Variants in CNBD1 observed in about 807,000 individuals in gnomAD.
CNBD1 encodes cyclic nucleotide-binding domain-containing protein 1.
Under a neutral mutation model 54.4 loss-of-function variants are expected in CNBD1, and 71 were observed. The ratio of observed to expected loss-of-function variants is 1.30; its 90% CI spans 1.08 to 1.59. CNBD1 has a LOEUF of 1.59. Among genes scored for constraint, CNBD1 ranks in the 40% most tolerant of loss-of-function variants. The pLI, the probability that CNBD1 is intolerant of heterozygous loss-of-function variation, is 0.00. For synonymous variants in CNBD1, 182 were observed against 170.7 expected (o/e 1.07, Z -0.51); for missense variants, 659 against 518.0 (o/e 1.27, Z -2.64).
chr8:87,092,385 GTATA>G (rs1269273670), intron 4 of CNBD1, among the ~76,000 whole-genome samples: 8 of 149,462 alleles, frequency 5.4e-5, no homozygotes, highest in Non-Finnish European at 1.2e-4. Context: ...GTGTGTGTGT[GTATA>G]TATATGTGTG....
chr8:87,163,801 T>G lies in CNBD1; in HGVS notation c.432-42192T>G, dbSNP rs1215967362. ...TTATTTGGATGTCTTTAATTTCTTTTTCTTGTATAATTGCTCTCATTAAAA... is the reference window on the plus strand; with the variant it reads ...TTATTTGGATGTCTTTAATTTCTTTGTCTTGTATAATTGCTCTCATTAAAA... On this transcript the variant is annotated intron_variant, in intron 4 of 10. Transcript: ENST00000518476. The surrounding 1 kb of genome is among the most constrained non-coding windows in gnomAD (Gnocchi z 4.5). Among the ~76,000 whole-genome samples, 1 of 151,878 alleles carries G rather than the reference T, an allele frequency of 6.6e-6. No individual in the cohort carries two copies. Among genetic ancestry groups the G allele is most frequent in the Non-Finnish European group, 1.5e-5 (1 of 67,890 alleles).
chr8:87,160,845 G>T (rs1234685091), intron 4 of CNBD1, among the ~76,000 whole-genome samples: 1 of 152,052 alleles, frequency 6.6e-6, no homozygotes, highest in Non-Finnish European at 1.5e-5. Flanking sequence ...TATTATCGTG[G>T]AGAACACTCT....
intron 3 of CNBD1, among the ~76,000 whole-genome samples, chr8:86,919,288 G>T (rs77885674): frequency 0.01 from 1,542 of 152,216 alleles, 27 homozygotes; most frequent in African/African-American, 0.034. Flanking sequence ...AATTAAATAT[G>T]TAACAGTTTA....
chr8:87,005,684 G>T (rs1809083550), intron 4 of CNBD1, among the ~76,000 whole-genome samples: 2 of 151,964 alleles, frequency 1.3e-5, no homozygotes, highest in African/African-American at 4.8e-5. Flanking sequence ...AAAGATTATT[G>T]CAACAAAGGA....
intron 4 of CNBD1, among the ~76,000 whole-genome samples, chr8:87,041,778 G>A (rs998158436): frequency 7.9e-5 from 12 of 152,072 alleles, no homozygotes; most frequent in African/African-American, 1.2e-4. Context: ...CAGCCCGAGC[G>A]ACAGAGCAAG....
chr8:86,942,686 G>A (rs555714088), intron 4 of CNBD1, among the ~76,000 whole-genome samples: 5 of 152,134 alleles, frequency 3.3e-5, no homozygotes, highest in Non-Finnish European at 5.9e-5. Context: ...ACCTAATCAG[G>A]GGCCTATATA....
intron 5 of CNBD1, among the ~76,000 whole-genome samples, chr8:87,232,132 A>G (rs565117219): frequency 6.6e-6 from 1 of 152,284 alleles, no homozygotes; most frequent in African/African-American, 2.4e-5. Flanking sequence ...GCTGAGTAGT[A>G]TTCCATTGCA....
At chr8:86,918,100 A>G (rs1272695166) in intron 3 of CNBD1, among the ~76,000 whole-genome samples, 1 of 152,210 alleles carries the variant, frequency 6.6e-6, no homozygotes, top group Non-Finnish European at 1.5e-5. Flanking sequence ...AAAGGGGAAT[A>G]GAGTAAAATG....
At chr8:87,403,237 G>A (rs1323424352) in intron 2 of CNBD1, among the ~76,000 whole-genome samples, 1 of 152,028 alleles carries the variant, frequency 6.6e-6, no homozygotes, top group African/African-American at 2.4e-5. Flanking sequence ...TTCTGCTGGT[G>A]AGCAAGAGGT....
chr8:87,415,597 T>C (rs1453583393), intron 2 of CNBD1, among the ~76,000 whole-genome samples: 1 of 152,056 alleles, frequency 6.6e-6, no homozygotes, highest in Non-Finnish European at 1.5e-5. Flanking sequence ...TTGCAATTCC[T>C]GAAACTTGTC....
At chr8:87,367,123 A>T (rs554130554) in intron 10 of CNBD1, among the ~76,000 whole-genome samples, 2 of 152,132 alleles carry the variant, frequency 1.3e-5, no homozygotes, top group East Asian at 1.9e-4. Flanking sequence ...ACATGAGATT[A>T]TATGTGGCCT....
intron 6 of CNBD1, among the ~76,000 whole-genome samples, chr8:87,279,707 C>G (rs899510671): frequency 6.6e-6 from 1 of 150,680 alleles, no homozygotes; most frequent in Admixed American, 6.7e-5. Flanking sequence ...TGTTTTATAT[C>G]GAGATTATAT....
chr8:87,314,386 C>A (rs1809337292), intron 8 of CNBD1, among the ~76,000 whole-genome samples: 2 of 151,648 alleles, frequency 1.3e-5, no homozygotes, highest in African/African-American at 2.4e-5. Context: ...ATCTTTATGG[C>A]AGCTAAAAAG....
chr8:87,215,957 A>G (rs1020018978), intron 5 of CNBD1, among the ~76,000 whole-genome samples: 17 of 152,126 alleles, frequency 1.1e-4, no homozygotes, highest in African/African-American at 4.1e-4. Flanking sequence ...TTTATTCTGA[A>G]CATTTTGCAT....
intron 6 of CNBD1, among the ~76,000 whole-genome samples, chr8:87,282,624 C>T (rs934142686): frequency 1.2e-4 from 18 of 151,532 alleles, no homozygotes; most frequent in East Asian, 5.8e-4. Context: ...GTGTGTAAGG[C>T]GTATTGGAAG....
intron 2 of CNBD1, among the ~76,000 whole-genome samples, chr8:87,416,839 A>T (rs1306439792): frequency 6.6e-6 from 1 of 152,058 alleles, no homozygotes; most frequent in African/African-American, 2.4e-5. Context: ...TAAGAAAACT[A>T]CAGATCAACA....
intron 10 of CNBD1, among the ~76,000 whole-genome samples, chr8:87,379,425 T>C (rs1212792175): frequency 6.6e-6 from 1 of 151,820 alleles, no homozygotes; most frequent in Non-Finnish European, 1.5e-5. Flanking sequence ...CAACAAAATA[T>C]ACATTTTTTT....
intron 2 of CNBD1, among the ~76,000 whole-genome samples, chr8:87,393,285 G>A (rs536432014): frequency 2.6e-5 from 4 of 151,970 alleles, no homozygotes; most frequent in Non-Finnish European, 5.9e-5. Flanking sequence ...GTCATACTGT[G>A]ACTAGGTAAT....
At chr8:87,299,555 A>G (rs1808944489) in intron 8 of CNBD1, among the ~76,000 whole-genome samples, 1 of 152,196 alleles carries the variant, frequency 6.6e-6, no homozygotes, top group Non-Finnish European at 1.5e-5. Context: ...ATTAGATCCA[A>G]ATGCATTTCC....
Sources: gnomAD v4.1 joint callset for allele counts (sites outside exome capture counted in the v4.1 genomes callset) on GRCh38, gnomAD v4.1.1 for gene constraint, Gnocchi (gnomAD v3.1) non-coding constraint, MANE v1.5 for transcripts, NCBI Gene and HGNC (gene_info 2026-07-23, HGNC 2026-07-21) for gene names.